The following MCTP1 variants were observed in gnomAD, a reference collection of about 807,000 sequenced individuals.
MCTP1 encodes multiple C2 and transmembrane domain containing 1, also known as multiple C2 and transmembrane domain-containing protein 1.
A neutral mutation model predicts 120.6 loss-of-function variants in MCTP1; 69 were observed. The ratio of observed to expected loss-of-function variants is 0.57; its 90% CI spans 0.47 to 0.70. The LOEUF (loss-of-function observed/expected upper bound fraction) is 0.70. Ranked by LOEUF, MCTP1 falls within the 30% of genes least tolerant of loss-of-function variation. The pLI is 0.00. For missense variants in MCTP1, 1,203 were observed against 1,248.8 expected, an observed-to-expected ratio of 0.96 and a Z score of 0.55; for synonymous variants, 529 against 493.1, an observed-to-expected ratio of 1.07 and a Z score of -0.96.
At chr5:95,117,600 T>C (rs975614308) in intron 1 of MCTP1, among the ~76,000 whole-genome samples, 1 of 152,256 alleles carries the variant, frequency 6.6e-6, no homozygotes, top group African/African-American at 2.4e-5. Flanking sequence ...TAGAAGACAG[T>C]GTAGCAATTC....
chr5:94,856,736 A>T (rs1561756349), intron 17 of MCTP1, among the ~76,000 whole-genome samples: 1 of 151,778 alleles, frequency 6.6e-6, no homozygotes, highest in Non-Finnish European at 1.5e-5. Context: ...GAAATACAGC[A>T]AATAACAAAA....
chr5:95,115,294 G>A (rs892773366), intron 1 of MCTP1, among the ~76,000 whole-genome samples: 1 of 151,822 alleles, frequency 6.6e-6, no homozygotes, highest in Non-Finnish European at 1.5e-5. Context: ...ACAGCACCAG[G>A]GACCAATCCT....
intron 19 of MCTP1, among the ~76,000 whole-genome samples, chr5:94,730,255 G>A (rs1281113644): frequency 6.6e-6 from 1 of 152,200 alleles, no homozygotes; most frequent in Non-Finnish European, 1.5e-5. Flanking sequence ...TAACTTCTGG[G>A]CTCAAGCAAT....
intron 1 of MCTP1, among the ~76,000 whole-genome samples, chr5:95,273,961 C>T (rs1759607056): frequency 6.6e-6 from 1 of 152,200 alleles, no homozygotes; most frequent in African/African-American, 2.4e-5. Context: ...CAGAGCACAG[C>T]CCAGCTGCAA....
At chr5:95,138,441 A>C (rs1759625639) in intron 1 of MCTP1, among the ~76,000 whole-genome samples, 1 of 152,242 alleles carries the variant, frequency 6.6e-6, no homozygotes, top group Non-Finnish European at 1.5e-5. Flanking sequence ...TAGAAGAGCA[A>C]GTGTCATAAT....
intron 9 of MCTP1, among the ~76,000 whole-genome samples, chr5:94,911,820 C>G (rs977645001): frequency 1.3e-5 from 2 of 152,100 alleles, no homozygotes. Context: ...ATAATTGATA[C>G]TATACGATAT....
chr5:94,815,150 C>T (rs1410856758), intron 17 of MCTP1, among the ~76,000 whole-genome samples: 1 of 152,080 alleles, frequency 6.6e-6, no homozygotes, highest in Non-Finnish European at 1.5e-5. Context: ...AAAATAGAAA[C>T]GAAAACTGCT....
chr5:95,055,952 T>C (rs1457422513), intron 1 of MCTP1, among the ~76,000 whole-genome samples: 1 of 152,226 alleles, frequency 6.6e-6, no homozygotes, highest in Non-Finnish European at 1.5e-5. Flanking sequence ...GACTTAAGGC[T>C]AGTATGCTAT....
At position 94,915,910 on chromosome 5, in the gene MCTP1, C is replaced by A. The variant is rs185886986; in HGVS notation, c.1350+1986G>T. 3.9e-5 allele frequency among the ~76,000 whole-genome samples: 6 copies of A among 152,028 alleles called. No individual in the cohort carries two copies. The East Asian group carries it at 1.2e-3, about 29-fold the overall frequency. ...TTTCTATAACCCAGAAGAACATTTCCAAAACAACTTGGGGAGCTAAGTGGG... is the reference window on the plus strand; with the variant it reads ...TTTCTATAACCCAGAAGAACATTTCAAAAACAACTTGGGGAGCTAAGTGGG... On this transcript the variant is annotated intron_variant, in intron 8 of 22. Transcript: ENST00000515393.
intron 19 of MCTP1, among the ~76,000 whole-genome samples, chr5:94,775,663 G>A (rs908929518): frequency 7.2e-5 from 11 of 151,960 alleles, no homozygotes; most frequent in African/African-American, 2.2e-4. Flanking sequence ...TCTCCAGCAC[G>A]GCTTAACATA....
At chr5:94,908,149 T>C (rs149423221) in intron 10 of MCTP1, among the ~76,000 whole-genome samples, 4 of 152,070 alleles carry the variant, frequency 2.6e-5, no homozygotes, top group South Asian at 4.2e-4. Context: ...GAGAACAAGA[T>C]AAAACTTTAG....
At position 94,920,105 on chromosome 5, in the gene MCTP1, G is replaced by A. The variant is rs73136035; in HGVS notation, c.1273-2132C>T. Among the ~76,000 whole-genome samples, 1,205 of 151,972 alleles carry A rather than the reference G, an allele frequency of 7.9e-3. 17 individuals are homozygous for A. The highest frequency in any genetic ancestry group is 0.028 in the African/African-American group (1,163 of 41,428). ...TTAACTATCCTCTCTAACTTTAATC[G>A]TGGTCCAACAAAATTTCAAAGCTTT... On this transcript the variant is annotated intron_variant, in intron 7 of 22. Transcript: ENST00000515393.
At chr5:95,207,413 C>G (rs1010232271) in intron 1 of MCTP1, among the ~76,000 whole-genome samples, 10 of 152,074 alleles carry the variant, frequency 6.6e-5, no homozygotes, top group Admixed American at 3.3e-4. Flanking sequence ...TGTGTTTACC[C>G]CAATCTAGTG....
chr5:94,711,556 A>C (rs975525462), intron 20 of MCTP1, among the ~76,000 whole-genome samples: 14 of 152,250 alleles, frequency 9.2e-5, no homozygotes, highest in East Asian at 1.9e-4. Context: ...ATAATTAATA[A>C]AATCAGCATT....
At chr5:95,269,885 G>A (rs981970053) in intron 1 of MCTP1, among the ~76,000 whole-genome samples, 13 of 152,210 alleles carry the variant, frequency 8.5e-5, no homozygotes, top group Non-Finnish European at 1.5e-4. Flanking sequence ...GTTTAAGTGA[G>A]ACAATGTACA....
At chr5:95,074,735 G>A (rs1410550797) in intron 1 of MCTP1, among the ~76,000 whole-genome samples, 3 of 152,156 alleles carry the variant, frequency 2.0e-5, no homozygotes, top group South Asian at 2.1e-4. Flanking sequence ...TACGTAGGGC[G>A]TAAAATATGT....
chr5:94,916,218 A>G (rs1221703967), intron 8 of MCTP1, among the ~76,000 whole-genome samples: 1 of 152,226 alleles, frequency 6.6e-6, no homozygotes, highest in Non-Finnish European at 1.5e-5. Context: ...ATAAAATTAC[A>G]GGTAAAGGTA....
rs150813921 is a variant in MCTP1 at position 94,897,668 on chromosome 5, T to C, written c.1653-2833A>G. 5.0e-3 allele frequency among the ~76,000 whole-genome samples: 767 copies of C among 152,236 alleles called. 4 individuals are homozygous for C. Among genetic ancestry groups the C allele is most frequent in the African/African-American group, 0.017 (715 of 41,544 alleles). On this transcript the variant is annotated intron_variant, in intron 10 of 22. Coordinates refer to ENST00000515393, the MANE Select transcript of MCTP1 (RefSeq NM_024717.7). ...GCATGAGCCACTGCACCCAGCCGAC[T>C]TTTTCCCCCAAACTTTTATTTTAGG...
intron 1 of MCTP1, among the ~76,000 whole-genome samples, chr5:95,041,948 C>T (rs1382259253): frequency 1.3e-5 from 2 of 152,148 alleles, no homozygotes; most frequent in African/African-American, 4.8e-5. Flanking sequence ...CCCCGTTTCT[C>T]AGTGTGAGTT....
Sources: gnomAD v4.1 joint callset for allele counts (sites outside exome capture counted in the v4.1 genomes callset) on GRCh38, gnomAD v4.1.1 for gene constraint, MANE v1.5 for transcripts, NCBI Gene and HGNC (gene_info 2026-07-23, HGNC 2026-07-21) for gene names.